Variants in CRYBG2 observed in about 807,000 individuals in gnomAD.
CRYBG2 encodes beta/gamma crystallin domain-containing protein 2.
A neutral mutation model predicts 153.4 loss-of-function variants in CRYBG2; 106 were observed. The observed-to-expected ratio is 0.69, with a 90% CI of 0.59 to 0.81. The LOEUF (loss-of-function observed/expected upper bound fraction) is 0.81. Among genes scored for constraint, CRYBG2 ranks in the 30% least tolerant of loss-of-function variants. CRYBG2 has a pLI of 0.00. For missense variants in CRYBG2, 1,996 were observed against 2,112.0 expected, an observed-to-expected ratio of 0.95 and a Z score of 1.08; for synonymous variants, 851 against 877.8, an observed-to-expected ratio of 0.97 and a Z score of 0.54.
chr1:26,324,345 CG>C (rs1422772194), intron 17 of CRYBG2, 35 bp from the exon 18 acceptor site: 19 of 1,569,138 alleles, frequency 1.2e-5, no homozygotes, highest in Non-Finnish European at 1.5e-5. Flanking sequence ...TCAGGGGTGC[CG>C]GGGAGGGATG....
intron 14 of CRYBG2, among the ~76,000 whole-genome samples, chr1:26,334,525 T>G (rs572470458): frequency 6.6e-6 from 1 of 152,310 alleles, no homozygotes; most frequent in South Asian, 2.1e-4. Flanking sequence ...ATTAGGTTGG[T>G]GACATAACCA....
Position 26,326,088 on chromosome 1 carries a change from C to T in CRYBG2, c.4579-1778G>A, listed in dbSNP as rs190907684. ...TGTATTTTTTGTAGAGATGGGGTCT[C>T]GCCATGTTGCCCAGGCTGGTCTCGA... On this transcript the variant is annotated intron_variant, in intron 17 of 19. Coordinates refer to ENST00000308182, the MANE Select transcript of CRYBG2 (RefSeq NM_001039775.4). Among the ~76,000 whole-genome samples the T allele has an allele frequency of 3.1e-3, 472 of 152,018 alleles. 2 individuals are homozygous for T. The highest frequency in any genetic ancestry group is 0.011 in the African/African-American group (450 of 41,454).
rs562881706 is a variant in CRYBG2 at position 26,347,264 on chromosome 1, A to G, written c.-55-552T>C. 6.7e-5 allele frequency among the ~76,000 whole-genome samples: 10 copies of G among 149,518 alleles called. No homozygotes were observed. In the East Asian group the frequency reaches 2.0e-3, roughly 29 times the overall value. On this transcript the variant is annotated intron_variant, in intron 1 of 19. Coordinates refer to ENST00000308182, the MANE Select transcript of CRYBG2 (RefSeq NM_001039775.4). ...GTCTTGCCAGAGTCCAGTAAGAGAA[A>G]CAATGAAACCTCCCCCTGCGTTTTT...
At chr1:26,350,711 C>G (rs894518331) in intron 1 of CRYBG2, among the ~76,000 whole-genome samples, 3 of 152,112 alleles carry the variant, frequency 2.0e-5, no homozygotes, top group African/African-American at 7.2e-5. Flanking sequence ...TCTCCACCCC[C>G]ACTCCCTGAC....
At chr1:26,348,937 G>A (rs1380587504) in intron 1 of CRYBG2, among the ~76,000 whole-genome samples, 1 of 151,942 alleles carries the variant, frequency 6.6e-6, no homozygotes, top group Non-Finnish European at 1.5e-5. Context: ...GGGAGGCCGA[G>A]GCAGGCCGAT....
chr1:26,333,588 A>G lies in CRYBG2; in HGVS notation c.4185-1970T>C, dbSNP rs564751530. ...CCTCAAAAAAAAAAAAAGAAGAGGAAGAGACAGGAGCTCATATTCTCTCTC... is the reference window on the plus strand; with the variant it reads ...CCTCAAAAAAAAAAAAAGAAGAGGAGGAGACAGGAGCTCATATTCTCTCTC... On this transcript the variant is annotated intron_variant, in intron 14 of 19. Transcript: ENST00000308182. Among the ~76,000 whole-genome samples the G allele has an allele frequency of 7.4e-4, 112 of 151,938 alleles. 1 individual carries two copies. The highest frequency in any genetic ancestry group is 2.6e-3 in the African/African-American group (107 of 41,448).
At position 26,336,852 on chromosome 1, in the gene CRYBG2, C is replaced by T; in HGVS notation, c.3900G>A (p.Val1300=). 6.3e-7 allele frequency: 1 copy of T among 1,598,918 alleles called. No individual in the cohort carries two copies. The highest frequency in any genetic ancestry group is 1.7e-5 in the Admixed American group (1 of 57,620). ...CCCGGGTCACTTACACGCCGCTGAG[C>T]ACGTGGATGGCCTGTGTGCTGGGGC... The part of the protein sequence containing the change: ...QHGPSTQAIH[V]LSGVWVAYQE... Residue 1300 remains valine, a synonymous_variant, in exon 11 of 20, where the codon GTG becomes GTA. Coordinates refer to ENST00000308182, the MANE Select transcript of CRYBG2 (RefSeq NM_001039775.4). This position sits in a 1 kb window ranked among gnomAD's most constrained non-coding sequence, Gnocchi z 4.9.
chr1:26,346,331 C>G lies in CRYBG2; in HGVS notation c.327G>C (p.Arg109Ser). The G allele has an allele frequency of 6.3e-7, 1 of 1,599,460 alleles. No individual in the cohort carries two copies. Among genetic ancestry groups the G allele is most frequent in the South Asian group, 1.1e-5 (1 of 91,076 alleles). Residue 109 changes from arginine to serine, a missense_variant, in exon 2 of 20, where the codon AGG becomes AGC. Arg to Ser is a moderately radical substitution (Grantham distance 110). Transcript: ENST00000308182. This position sits in a 1 kb window ranked among gnomAD's most constrained non-coding sequence, Gnocchi z 4.9. ...KKYIPPPKEKRPEGRLKEAVD... is the reference protein window; with the variant it reads ...KKYIPPPKEKSPEGRLKEAVD... ...CAGCCTCCTTCAGCCTCCCCTCAGG[C>G]CTTTTCTCCTTGGGAGGTGGTATGT... is the stretch of plus-strand genomic sequence containing the variant.
At chr1:26,337,798 C>T in intron 8 of CRYBG2, 124 bp from the exon 9 acceptor site, 1 of 1,389,788 alleles carries the variant, frequency 7.2e-7, no homozygotes, top group Admixed American at 2.2e-5. Flanking sequence ...TGCTGAACTC[C>T]ATCCCCTTAC....
At position 26,343,077 on chromosome 1, in the gene CRYBG2, G is replaced by A. The variant is rs1273434665; in HGVS notation, c.3044C>T (p.Pro1015Leu). 6.5e-7 allele frequency: 1 copy of A among 1,550,324 alleles called. No homozygotes were observed. Among genetic ancestry groups the A allele is most frequent in the Non-Finnish European group, 8.7e-7 (1 of 1,146,944 alleles). Residue 1015 changes from proline (P) to leucine (L), a missense_variant, in exon 4 of 20, where the codon CCC (proline) becomes CTC (leucine). Coordinates refer to ENST00000308182, the MANE Select transcript of CRYBG2 (RefSeq NM_001039775.4). The surrounding 1 kb of genome is among the most constrained non-coding windows in gnomAD (Gnocchi z 4.1). ...GDIVDASGWA[P>L]VASIRVVRGC... ...TCGAACTACCCTTATGGAGGCTACG[G>A]GGGCCCAGCCTGAGGCATCAACGAT...
Position 26,338,351 on chromosome 1 carries a change from C to CTA in CRYBG2, c.3470_3471insTA (p.Leu1157PhefsTer30). ...CCTGTGGGTGTGCCCTGTTCTTTAC[C>CTA]AATCTCATGGGCTTCAGGGAGCCCA... On this transcript the variant is annotated frameshift_variant and splice_region_variant, in exon 7 of 20. Coordinates refer to ENST00000308182, the MANE Select transcript of CRYBG2 (RefSeq NM_001039775.4). LOFTEE classifies it high-confidence loss of function. 3 of 1,598,472 alleles carry CTA rather than the reference C, an allele frequency of 1.9e-6. No individual in the cohort carries two copies. In the East Asian group the frequency reaches 6.7e-5, roughly 36 times the overall value.
In CRYBG2 at chr1:26,336,974, C is replaced by T. The variant is rs2074068381; in HGVS notation, c.3778G>A (p.Gly1260Arg). The change falls in exon 11 of 20, where the codon GGG becomes AGG. Residue 1260 changes from glycine (G) to arginine (R), a missense_variant. Coordinates refer to ENST00000308182, the MANE Select transcript of CRYBG2 (RefSeq NM_001039775.4). The surrounding 1 kb of genome is among the most constrained non-coding windows in gnomAD (Gnocchi z 4.9). ...TCAAATAGCACGACGGCCGGGTCCC[C>T]GAAGTCCTGGGTCCCCAGGGACAGT... is the stretch of plus-strand genomic sequence containing the variant. ...TSLRVIRTDFGDPAVVLFEAM... is the reference protein window; with the variant it reads ...TSLRVIRTDFRDPAVVLFEAM... 2 of 1,613,608 alleles carry T rather than the reference C, an allele frequency of 1.2e-6. No individual in the cohort carries two copies. The highest frequency in any genetic ancestry group is 1.7e-6 in the Non-Finnish European group (2 of 1,179,880).
intron 5 of CRYBG2, 149 bp downstream of exon 5, chr1:26,342,605 G>T: frequency 8.6e-7 from 1 of 1,160,618 alleles, no homozygotes; most frequent in Non-Finnish European, 1.2e-6. Flanking sequence ...TCACATGTTG[G>T]CCAGGCTGGT....
chr1:26,335,682 T>C (rs566268166), intron 14 of CRYBG2, among the ~76,000 whole-genome samples: 1 of 152,298 alleles, frequency 6.6e-6, no homozygotes, highest in East Asian at 1.9e-4. Context: ...AAAGGCATTT[T>C]TGAGACAATG....
chr1:26,336,532 G>A lies in CRYBG2; in HGVS notation c.4038+74C>T. 1 of 1,541,970 alleles carries A rather than the reference G, an allele frequency of 6.5e-7. No homozygotes were observed. The highest frequency in any genetic ancestry group is 1.2e-5 in the South Asian group (1 of 83,392). On this transcript the variant is annotated intron_variant, in intron 12 of 19. Transcript: ENST00000308182. This position sits in a 1 kb window ranked among gnomAD's most constrained non-coding sequence, Gnocchi z 4.9. Reference sequence around the variant, plus strand: ...GCAGGTCCTCCAGCCCGCTACCTCTGCGTGGGGGCGGGGCGCACCCGAACT... The same window carrying A: ...GCAGGTCCTCCAGCCCGCTACCTCTACGTGGGGGCGGGGCGCACCCGAACT...
intron 14 of CRYBG2, 126 bp from the exon 15 acceptor site, chr1:26,331,744 G>T: frequency 1.6e-6 from 2 of 1,278,054 alleles, no homozygotes; most frequent in East Asian, 2.4e-5. Context: ...GAGGTGGGAT[G>T]AACAGGCACT....
At position 26,338,488 on chromosome 1, in the gene CRYBG2, C is replaced by A; in HGVS notation, c.3345-11G>T. ...GGGTACAGTAGCCACCTAGGGGAAA[C>A]AGAGAGGCTGCTGCACCCTAGCAGA... On this transcript the variant is annotated splice_polypyrimidine_tract_variant and intron_variant, in intron 6 of 19. Coordinates refer to ENST00000308182, the MANE Select transcript of CRYBG2 (RefSeq NM_001039775.4). 1 of 1,594,774 alleles carries A rather than the reference C, an allele frequency of 6.3e-7. No homozygotes were observed. Among genetic ancestry groups the A allele is most frequent in the South Asian group, 1.1e-5 (1 of 87,602 alleles).
At chr1:26,333,153 C>A (rs370877573) in intron 14 of CRYBG2, among the ~76,000 whole-genome samples, 27 of 149,748 alleles carry the variant, frequency 1.8e-4, no homozygotes, top group African/African-American at 6.4e-4. Flanking sequence ...CTCCCAAAAT[C>A]ATATGCTAAA....
chr1:26,333,046 A>AAAAAAAAAAAG (rs2074016551), intron 14 of CRYBG2, among the ~76,000 whole-genome samples: 1 of 136,704 alleles, frequency 7.3e-6, no homozygotes, highest in Non-Finnish European at 1.6e-5. Flanking sequence ...AAAAAAAAAA[A>AAAAAAAAAAAG]GATTTCTAAC....
Sources: gnomAD v4.1 joint callset for allele counts (sites outside exome capture counted in the v4.1 genomes callset) on GRCh38, gnomAD v4.1.1 for gene constraint, Gnocchi (gnomAD v3.1) non-coding constraint, MANE v1.5 for transcripts, NCBI Gene and HGNC (gene_info 2026-07-23, HGNC 2026-07-21) for gene names.